GRM7: variants seen among roughly 807,000 people sequenced by gnomAD.
The protein encoded by GRM7 is metabotropic glutamate receptor 7.
In GRM7, 35 loss-of-function variants were observed where a neutral mutation model predicts 84.5. The ratio of observed to expected loss-of-function variants is 0.41; its 90% CI spans 0.32 to 0.55. The LOEUF is 0.55. Among genes scored for constraint, GRM7 ranks in the 20% least tolerant of loss-of-function variants. The probability of loss-of-function intolerance (pLI) is 0.19; values close to 1 mark genes in which losing one functional copy is unlikely to be tolerated. For missense variants in GRM7, 1,003 were observed against 1,194.6 expected (o/e 0.84, Z 2.36); for synonymous variants, 487 against 455.1 (o/e 1.07, Z -0.89).
At chr3:7,714,573 G>A (rs1701708498) in intron 9 of GRM7, among the ~76,000 whole-genome samples, 1 of 152,154 alleles carries the variant, frequency 6.6e-6, no homozygotes, top group Non-Finnish European at 1.5e-5. Context: ...CTGCATTCTA[G>A]CAAGATCCCC....
intron 1 of GRM7, among the ~76,000 whole-genome samples, chr3:7,081,553 A>G (rs971829966): frequency 6.6e-6 from 1 of 152,026 alleles, no homozygotes; most frequent in Non-Finnish European, 1.5e-5. Flanking sequence ...ATAACCCCAC[A>G]ATGGCCTCTA....
At chr3:7,114,210 A>G (rs532044047) in intron 1 of GRM7, among the ~76,000 whole-genome samples, 80 of 152,198 alleles carry the variant, frequency 5.3e-4, no homozygotes, top group Non-Finnish European at 8.8e-4. Context: ...AATAGCACAT[A>G]CTTACTAGAA....
chr3:7,537,460 C>T (rs1045159949), intron 7 of GRM7, among the ~76,000 whole-genome samples: 1 of 152,148 alleles, frequency 6.6e-6, no homozygotes, highest in African/African-American at 2.4e-5. Flanking sequence ...TCTACCATAG[C>T]AGATTCAAGG....
At chr3:7,003,885 G>T (rs953416096) in intron 1 of GRM7, among the ~76,000 whole-genome samples, 1 of 152,138 alleles carries the variant, frequency 6.6e-6, no homozygotes, top group Admixed American at 6.6e-5. Context: ...TACTCAAGAT[G>T]CCAGCTAGAG....
chr3:7,561,214 A>G (rs1694011313), intron 7 of GRM7, among the ~76,000 whole-genome samples: 1 of 152,076 alleles, frequency 6.6e-6, no homozygotes, highest in Non-Finnish European at 1.5e-5. Flanking sequence ...ATCTTGTTTC[A>G]TTAAAGCACT....
At chr3:7,157,941 C>T (rs557182138) in intron 2 of GRM7, among the ~76,000 whole-genome samples, 4 of 152,170 alleles carry the variant, frequency 2.6e-5, no homozygotes, top group South Asian at 4.2e-4. Flanking sequence ...GCTCATCGCA[C>T]GCTGGGATAA....
At chr3:7,243,013 T>C (rs1014144686) in intron 2 of GRM7, among the ~76,000 whole-genome samples, 1 of 152,108 alleles carries the variant, frequency 6.6e-6, no homozygotes, top group Admixed American at 6.6e-5. Flanking sequence ...TTCAGAAATA[T>C]TCAGTGGTGT....
At chr3:7,219,584 G>A (rs377657343) in intron 2 of GRM7, among the ~76,000 whole-genome samples, 1 of 152,108 alleles carries the variant, frequency 6.6e-6, no homozygotes, top group Non-Finnish European at 1.5e-5. Flanking sequence ...TTGGAATTAG[G>A]GACATTAATA....
intron 1 of GRM7, among the ~76,000 whole-genome samples, chr3:7,116,271 A>G (rs924118496): frequency 3.3e-5 from 5 of 152,194 alleles, no homozygotes; most frequent in Non-Finnish European, 5.9e-5. Context: ...TGGTTTTACC[A>G]TAAGTTGAAA....
intron 1 of GRM7, among the ~76,000 whole-genome samples, chr3:7,061,181 A>G (rs1350562095): frequency 6.6e-6 from 1 of 151,820 alleles, no homozygotes; most frequent in Admixed American, 6.6e-5. Flanking sequence ...CTGTTCATAC[A>G]ATTCAGCATA....
At chr3:7,042,776 C>A (rs1696675470) in intron 1 of GRM7, among the ~76,000 whole-genome samples, 1 of 152,058 alleles carries the variant, frequency 6.6e-6, no homozygotes, top group Non-Finnish European at 1.5e-5. Context: ...CTATATTTCT[C>A]CTGGATTCAT....
intron 4 of GRM7, among the ~76,000 whole-genome samples, chr3:7,392,516 A>T (rs34144088): frequency 6.6e-6 from 1 of 152,058 alleles, no homozygotes; most frequent in Non-Finnish European, 1.5e-5. Flanking sequence ...AAATGGTGCC[A>T]GCTGTGGGCT....
At chr3:7,636,756 G>T (rs548592825) in intron 8 of GRM7, among the ~76,000 whole-genome samples, 1 of 152,126 alleles carries the variant, frequency 6.6e-6, no homozygotes, top group Non-Finnish European at 1.5e-5. Flanking sequence ...CTGGGTAAAA[G>T]CTCAGCTCAT....
At position 7,437,107 on chromosome 3, in the gene GRM7, G is replaced by A. The variant is rs113550426; in HGVS notation, c.1175-15500G>A. ...TTCATTTTTGTTTTCTAGATAACTA[G>A]CCACACAGCTGATAAGTGGCAGAAC... On this transcript the variant is annotated intron_variant, in intron 5 of 9. Coordinates refer to ENST00000357716, the MANE Select transcript of GRM7 (RefSeq NM_000844.4). Among the ~76,000 whole-genome samples, 577 of 152,168 alleles carry A rather than the reference G, an allele frequency of 3.8e-3. 3 individuals carry two copies. Among genetic ancestry groups the A allele is most frequent in the African/African-American group, 0.013 (554 of 41,518 alleles).
intron 2 of GRM7, among the ~76,000 whole-genome samples, chr3:7,235,812 T>G (rs562120123): frequency 2.0e-5 from 3 of 152,336 alleles, no homozygotes; most frequent in African/African-American, 7.2e-5. Context: ...TTTTCACTTG[T>G]GAGAGAAATA....
At chr3:7,097,822 T>C (rs1698909647) in intron 1 of GRM7, among the ~76,000 whole-genome samples, 1 of 152,082 alleles carries the variant, frequency 6.6e-6, no homozygotes, top group Non-Finnish European at 1.5e-5. Context: ...GAAGCCATGC[T>C]TTTCTAATTG....
intron 1 of GRM7, among the ~76,000 whole-genome samples, chr3:6,915,503 A>G (rs1696912155): frequency 6.6e-6 from 1 of 152,228 alleles, no homozygotes. Flanking sequence ...GCACATTCTC[A>G]ACGTTCATCT....
At chr3:7,118,311 GC>G (rs1693109013) in intron 1 of GRM7, among the ~76,000 whole-genome samples, 1 of 151,784 alleles carries the variant, frequency 6.6e-6, no homozygotes, top group South Asian at 2.1e-4. Flanking sequence ...AGATCCTTTT[GC>G]CTGGGAGGTC....
intron 1 of GRM7, among the ~76,000 whole-genome samples, chr3:6,999,297 G>C (rs142938960): frequency 1.7e-4 from 26 of 152,274 alleles, no homozygotes; most frequent in African/African-American, 5.8e-4. Context: ...GGACTTCATT[G>C]TCCATATCAC....
Sources: gnomAD v4.1 joint callset for allele counts (sites outside exome capture counted in the v4.1 genomes callset) on GRCh38, gnomAD v4.1.1 for gene constraint, MANE v1.5 for transcripts, NCBI Gene and HGNC (gene_info 2026-07-23, HGNC 2026-07-21) for gene names.